The following SEMA3D variants were observed in gnomAD, a reference collection of about 807,000 sequenced individuals.
The protein encoded by SEMA3D is semaphorin-3D.
A neutral mutation model predicts 100.1 loss-of-function variants in SEMA3D; 84 were observed. The ratio of observed to expected loss-of-function variants is 0.84; its 90% CI spans 0.70 to 1.01. The LOEUF (loss-of-function observed/expected upper bound fraction) is 1.01. Among genes scored for constraint, SEMA3D ranks in the 50% least tolerant of loss-of-function variants. The probability of loss-of-function intolerance (pLI) is 0.00; values close to 1 mark genes in which losing one functional copy is unlikely to be tolerated. For missense variants in SEMA3D, 875 were observed against 934.1 expected (o/e 0.94, Z 0.82); for synonymous variants, 312 against 320.7 (o/e 0.97, Z 0.29).
intron 1 of SEMA3D, among the ~76,000 whole-genome samples, chr7:85,174,252 T>G (rs1791163884): frequency 6.6e-6 from 1 of 152,140 alleles, no homozygotes. Flanking sequence ...CTTCTAAAAT[T>G]GTCTACTTCA....
chr7:85,110,323 CA>C (rs1789057924), intron 3 of SEMA3D, among the ~76,000 whole-genome samples: 1 of 151,890 alleles, frequency 6.6e-6, no homozygotes, highest in Admixed American at 6.6e-5. Flanking sequence ...ATTAATAATA[CA>C]AACACAATTT....
At chr7:85,225,726 T>A in the SEMA3D span, among the ~76,000 whole-genome samples, 1 of 151,986 alleles carries the variant, frequency 6.6e-6, no homozygotes, top group Non-Finnish European at 1.5e-5. Flanking sequence ...CCCTAGACAC[T>A]GCTGTGGGGT....
chr7:85,133,489 A>G (rs1789782069), intron 2 of SEMA3D, among the ~76,000 whole-genome samples: 1 of 152,004 alleles, frequency 6.6e-6, no homozygotes, highest in Admixed American at 6.6e-5. Context: ...ACGATGTTCT[A>G]AAACTAGCGC....
At chr7:85,175,142 C>A (rs568402847) in intron 1 of SEMA3D, among the ~76,000 whole-genome samples, 1 of 151,972 alleles carries the variant, frequency 6.6e-6, no homozygotes, top group African/African-American at 2.4e-5. Flanking sequence ...GGCCTGAATG[C>A]GATTGTGATT....
chr7:85,159,503 C>T (rs1790687686), intron 1 of SEMA3D, among the ~76,000 whole-genome samples: 1 of 152,160 alleles, frequency 6.6e-6, no homozygotes, highest in Admixed American at 6.6e-5. Context: ...ATACAAACCA[C>T]ATGTGTACTC....
At chr7:85,072,891 T>A in intron 6 of SEMA3D, 71 bp downstream of exon 6, 1 of 1,298,012 alleles carries the variant, frequency 7.7e-7, no homozygotes. Context: ...ATCTGCCTGT[T>A]TTATGTCATA....
intron 3 of SEMA3D, among the ~76,000 whole-genome samples, chr7:85,117,660 C>T (rs1193360076): frequency 1.3e-5 from 2 of 152,012 alleles, no homozygotes; most frequent in Non-Finnish European, 2.9e-5. Flanking sequence ...GTAGTCCCAG[C>T]TACTCAGGAG....
At chr7:85,052,042 T>C (rs1332240653) in intron 9 of SEMA3D, among the ~76,000 whole-genome samples, 1 of 151,990 alleles carries the variant, frequency 6.6e-6, no homozygotes, top group Non-Finnish European at 1.5e-5. Flanking sequence ...CAGCCCTATG[T>C]ATACCAGGCA....
the SEMA3D span, among the ~76,000 whole-genome samples, chr7:85,225,725 C>T: frequency 6.6e-6 from 1 of 152,110 alleles, no homozygotes; most frequent in Non-Finnish European, 1.5e-5. Flanking sequence ...CCCCTAGACA[C>T]TGCTGTGGGG....
At chr7:85,170,066 A>C (rs557797729) in intron 1 of SEMA3D, among the ~76,000 whole-genome samples, 1 of 151,928 alleles carries the variant, frequency 6.6e-6, no homozygotes, top group South Asian at 2.1e-4. Flanking sequence ...AAAGATTTAA[A>C]AAAAGAGAGA....
At chr7:85,031,134 C>A (rs1390013803) in intron 12 of SEMA3D, among the ~76,000 whole-genome samples, 1 of 151,840 alleles carries the variant, frequency 6.6e-6, no homozygotes, top group African/African-American at 2.4e-5. Context: ...GACTTTTTGT[C>A]AAAGAAGTAC....
At chr7:85,220,883 T>G in the SEMA3D span, among the ~76,000 whole-genome samples, 1 of 152,134 alleles carries the variant, frequency 6.6e-6, no homozygotes, top group Non-Finnish European at 1.5e-5. Context: ...TGGGCCCAAC[T>G]ACATAGAATC....
intron 17 of SEMA3D, among the ~76,000 whole-genome samples, chr7:85,007,267 T>A (rs933916757): frequency 4.3e-4 from 65 of 151,990 alleles, no homozygotes; most frequent in African/African-American, 1.5e-3. Context: ...CATCTTTTAG[T>A]GCTTTAATAC....
the SEMA3D span, among the ~76,000 whole-genome samples, chr7:85,197,415 C>A: frequency 3.3e-5 from 5 of 152,130 alleles, no homozygotes; most frequent in African/African-American, 9.7e-5. Context: ...CAATTTTCAA[C>A]CAGAAAATGT....
At chr7:85,146,113 C>A (rs867543458) in intron 2 of SEMA3D, among the ~76,000 whole-genome samples, 2 of 152,028 alleles carry the variant, frequency 1.3e-5, no homozygotes, top group African/African-American at 4.8e-5. Context: ...AAAGAAAAAC[C>A]AATTGGTATA....
In SEMA3D at chr7:85,069,628, T is replaced by G. The variant is rs79825673; in HGVS notation, c.496-1344A>C. Among the ~76,000 whole-genome samples the G allele has an allele frequency of 3.5e-3, 540 of 152,280 alleles. 7 individuals carry two copies. The East Asian group carries it at 0.064, about 18-fold the overall frequency. On this transcript the variant is annotated intron_variant, in intron 6 of 18. Coordinates refer to ENST00000284136, the MANE Select transcript of SEMA3D (RefSeq NM_001384900.1). ...TATGAAGTTCCTTATTCTTGATTAA[T>G]TATGCAAAAAGCACCTGTCTGAGCT...
At position 85,181,824 on chromosome 7, in the gene SEMA3D, A is replaced by G. The variant is rs1791418014; in HGVS notation, c.-173+4854T>C. ...AGATGACCTGGTTGATGGCTGTTAA[A>G]ATTATGAAACATGAACATGGAACTA... On this transcript the variant is annotated intron_variant, in intron 1 of 18. Transcript: ENST00000284136. 3.4e-6 allele frequency: 3 copies of G among 881,912 alleles called. No individual in the cohort carries two copies. In the South Asian group the frequency reaches 1.6e-4, roughly 46 times the overall value. The allele number at this position is 881,912 out of a possible 1,614,324, so 54.6% of individuals were successfully genotyped here. A position where few individuals can be genotyped will look rare whatever the true frequency, so the allele number is the denominator to read the frequency against.
rs575943904 is a variant in SEMA3D at position 85,078,947 on chromosome 7, G to A, written c.375+2570C>T. On this transcript the variant is annotated intron_variant, in intron 5 of 18. Transcript: ENST00000284136. ...TTCTGTCCGCCAAAATCTATGTAAT[G>A]CTGTTAAAAATGAGGATCTATGTTC... Among the ~76,000 whole-genome samples, 10 of 152,258 alleles carry A rather than the reference G, an allele frequency of 6.6e-5. 1 individual carries two copies. The highest frequency in any genetic ancestry group is 2.4e-4 in the African/African-American group (10 of 41,546).
At chr7:85,027,834 A>C in intron 12 of SEMA3D, 4 of 519,426 alleles carry the variant, frequency 7.7e-6, no homozygotes, top group South Asian at 1.6e-5. Context: ...ATCTGTGTCT[A>C]AGTGACCTGC....
Sources: gnomAD v4.1 joint callset for allele counts (sites outside exome capture counted in the v4.1 genomes callset) on GRCh38, gnomAD v4.1.1 for gene constraint, MANE v1.5 for transcripts, NCBI Gene and HGNC (gene_info 2026-07-23, HGNC 2026-07-21) for gene names.